FGD3: variants seen among roughly 807,000 people sequenced by gnomAD.
The protein encoded by FGD3 is FYVE, RhoGEF and PH domain-containing protein 3.
In FGD3, 45 loss-of-function variants were observed where a neutral mutation model predicts 71.8. The observed-to-expected ratio is 0.63, with a 90% CI of 0.49 to 0.80. The LOEUF is 0.80. FGD3 is among the 30% of genes least tolerant of loss of function. The pLI is 0.00. For synonymous variants in FGD3, 378 were observed against 392.8 expected (o/e 0.96, Z 0.44); for missense variants, 844 against 951.5 (o/e 0.89, Z 1.49).
intron 17 of FGD3, 133 bp from the exon 18 acceptor site, chr9:93,035,205 G>C: frequency 7.6e-7 from 1 of 1,313,378 alleles, no homozygotes; most frequent in East Asian, 2.5e-5. Flanking sequence ...ACAGCCACCA[G>C]ACCCCTCGGG....
intron 1 of FGD3, among the ~76,000 whole-genome samples, chr9:92,952,296 GCACGATCTCGGCT>G (rs376602376): frequency 1.8e-4 from 27 of 150,518 alleles, no homozygotes; most frequent in African/African-American, 6.1e-4. Context: ...GAGTGCAGTG[GCACGATCTCGGCT>G]CACTGCAAGC....
chr9:92,972,894 G>A (rs768039939), intron 1 of FGD3, among the ~76,000 whole-genome samples: 1 of 151,880 alleles, frequency 6.6e-6, no homozygotes, highest in Non-Finnish European at 1.5e-5. Flanking sequence ...TGTGTTTTTG[G>A]TCTCACACTT....
intron 3 of FGD3, among the ~76,000 whole-genome samples, chr9:92,979,075 C>A (rs1345405668): frequency 2.0e-5 from 3 of 151,662 alleles, no homozygotes; most frequent in African/African-American, 7.3e-5. Flanking sequence ...TTACTTTTTC[C>A]TTTCCAATTT....
At chr9:92,987,877 T>C (rs1860251041) in intron 3 of FGD3, among the ~76,000 whole-genome samples, 1 of 152,172 alleles carries the variant, frequency 6.6e-6, no homozygotes, top group East Asian at 1.9e-4. Flanking sequence ...CATGCATGAG[T>C]CCATTTATCC....
intron 1 of FGD3, among the ~76,000 whole-genome samples, chr9:92,964,564 CAG>C (rs1206677160): frequency 1.3e-5 from 2 of 152,156 alleles, no homozygotes; most frequent in East Asian, 1.9e-4. Flanking sequence ...TGTAAAAATT[CAG>C]AGTTATTGTG....
In FGD3 at chr9:93,003,744, G is replaced by T. The variant is rs532430396; in HGVS notation, c.544-257G>T. ...TTCGCATGAGAGGTGGCTGAGGAAA[G>T]ATGTCATTCCCTGTCCTCAGGCGAC... On this transcript the variant is annotated intron_variant, in intron 4 of 17. Transcript: ENST00000375482. This position sits in a 1 kb window ranked among gnomAD's most constrained non-coding sequence, Gnocchi z 4.1. Among the ~76,000 whole-genome samples the T allele has an allele frequency of 6.6e-6, 1 of 152,326 alleles. No homozygotes were observed. Among genetic ancestry groups the T allele is most frequent in the South Asian group, 2.1e-4 (1 of 4,824 alleles).
chr9:93,035,745 C>A lies in FGD3; in HGVS notation c.*156C>A. The stretch of plus-strand genomic sequence containing the variant: ...GGCTTTGGGGGGAAGGAAACTGAGG[C>A]CCAGAGAGGGGCAACCACTGGCCAA... On this transcript the variant is annotated 3_prime_UTR_variant, in exon 18 of 18. Coordinates refer to ENST00000375482, the MANE Select transcript of FGD3 (RefSeq NM_001083536.2). The A allele has an allele frequency of 2.6e-6, 3 of 1,174,752 alleles. No individual in the cohort carries two copies. The highest frequency in any genetic ancestry group is 3.4e-6 in the Non-Finnish European group (3 of 874,182). The allele number at this position is 1,174,752 out of a possible 1,614,324, so 72.8% of individuals were successfully genotyped here.
intron 7 of FGD3, 118 bp from the exon 8 acceptor site, chr9:93,011,095 TG>T: frequency 1.9e-6 from 2 of 1,062,440 alleles, no homozygotes; most frequent in Non-Finnish European, 2.9e-6. Context: ...CCAGGCACCC[TG>T]GGAAAGGCTG....
chr9:93,014,610 C>A (rs1861590398), intron 9 of FGD3, among the ~76,000 whole-genome samples: 1 of 152,050 alleles, frequency 6.6e-6, no homozygotes, highest in Admixed American at 6.5e-5. Flanking sequence ...GTTGTGACCA[C>A]AATCAAGTTA....
At chr9:92,973,281 A>T (rs567209562) in intron 1 of FGD3, among the ~76,000 whole-genome samples, 11 of 151,740 alleles carry the variant, frequency 7.2e-5, no homozygotes, top group Non-Finnish European at 1.3e-4. Context: ...TGCCTGGCTA[A>T]TTTTTGTATT....
intron 3 of FGD3, among the ~76,000 whole-genome samples, chr9:92,982,653 G>T (rs941221394): frequency 6.6e-6 from 1 of 150,952 alleles, no homozygotes; most frequent in East Asian, 2.0e-4. Flanking sequence ...GTTCGCTCCT[G>T]TTCTGCTTGA....
chr9:92,983,777 C>A (rs143940049), intron 3 of FGD3, among the ~76,000 whole-genome samples: 4 of 152,316 alleles, frequency 2.6e-5, no homozygotes, highest in South Asian at 2.1e-4. Flanking sequence ...TTTTTACAAA[C>A]CTTCCACAAC....
intron 1 of FGD3, among the ~76,000 whole-genome samples, chr9:92,955,391 C>T (rs963777938): frequency 1.2e-4 from 18 of 152,044 alleles, no homozygotes; most frequent in African/African-American, 4.3e-4. Context: ...ACAAAATTAG[C>T]CAGGCATGGT....
intron 13 of FGD3, among the ~76,000 whole-genome samples, chr9:93,020,997 A>G (rs1861896914): frequency 6.6e-6 from 1 of 152,168 alleles, no homozygotes; most frequent in Non-Finnish European, 1.5e-5. Flanking sequence ...TCTGCACAGC[A>G]TCCTACACAC....
Position 93,019,835 on chromosome 9 carries a change from G to A in FGD3, c.1360G>A (p.Glu454Lys). The A allele has an allele frequency of 6.2e-7, 1 of 1,614,050 alleles. No individual in the cohort carries two copies. Among genetic ancestry groups the A allele is most frequent in the Non-Finnish European group, 8.5e-7 (1 of 1,179,926 alleles). ...AAGACCGTTTTGGTTTTTTAGGACA[G>A]AGGAAGAGAAGAAAGAATGGATTCA... ...KRSLELQTRT[E>K]EEKKEWIQII... The change falls in exon 12 of 18, where the codon GAG becomes AAG. Residue 454 changes from glutamate (E) to lysine (K), a missense_variant. Physicochemically the swap from Glu to Lys is moderately conservative, Grantham distance 56 (BLOSUM62 1). Coordinates refer to ENST00000375482, the MANE Select transcript of FGD3 (RefSeq NM_001083536.2).
intron 1 of FGD3, among the ~76,000 whole-genome samples, chr9:92,966,105 CT>C (rs1169176848): frequency 6.6e-6 from 1 of 152,228 alleles, no homozygotes; most frequent in African/African-American, 2.4e-5. Context: ...TCATTCATCC[CT>C]TACATTTCTC....
intron 15 of FGD3, 113 bp downstream of exon 15, chr9:93,030,109 A>G: frequency 8.0e-7 from 1 of 1,254,526 alleles, no homozygotes; most frequent in Non-Finnish European, 1.1e-6. Flanking sequence ...CCCTGCACGG[A>G]AGGGCTTCCT....
At chr9:93,017,669 G>T (rs1861753194) in intron 10 of FGD3, among the ~76,000 whole-genome samples, 1 of 152,122 alleles carries the variant, frequency 6.6e-6, no homozygotes, top group African/African-American at 2.4e-5. Context: ...TAATCTCAGG[G>T]CGCACCTGCT....
At chr9:92,983,541 GA>G (rs1232481863) in intron 3 of FGD3, among the ~76,000 whole-genome samples, 1 of 151,982 alleles carries the variant, frequency 6.6e-6, no homozygotes, top group Admixed American at 6.6e-5. Context: ...ACCAAAAAAC[GA>G]AAAACAGTTA....
Sources: gnomAD v4.1 joint callset for allele counts (sites outside exome capture counted in the v4.1 genomes callset) on GRCh38, gnomAD v4.1.1 for gene constraint, Gnocchi (gnomAD v3.1) non-coding constraint, MANE v1.5 for transcripts, NCBI Gene and HGNC (gene_info 2026-07-23, HGNC 2026-07-21) for gene names.